The following ULK1 variants were observed in gnomAD, a reference collection of about 807,000 sequenced individuals.
ULK1 encodes unc-51 like autophagy activating kinase 1, also known as serine/threonine-protein kinase ULK1.
Under a neutral mutation model 117.5 loss-of-function variants are expected in ULK1, and 48 were observed. The ratio of observed to expected loss-of-function variants is 0.41; its 90% CI spans 0.32 to 0.52. The LOEUF (loss-of-function observed/expected upper bound fraction) is 0.52, where lower values mean the gene tolerates loss of function less well. Among genes scored for constraint, ULK1 ranks in the 20% least tolerant of loss-of-function variants. The pLI, the probability that ULK1 is intolerant of heterozygous loss-of-function variation, is 0.29. For missense variants in ULK1, 1,387 were observed against 1,473.4 expected (o/e 0.94, Z 0.96); for synonymous variants, 790 against 637.8 (o/e 1.24, Z -3.60).
intron 3 of ULK1, chr12:131,896,954 G>C (rs1349372735): frequency 1.3e-5 from 2 of 152,492 alleles, no homozygotes; most frequent in African/African-American, 4.8e-5. Context: ...GGCTCCCCAG[G>C]TCCAGTCCTG....
At chr12:131,915,466 C>T in intron 18 of ULK1, 45 bp downstream of exon 18, 2 of 1,595,186 alleles carry the variant, frequency 1.3e-6, no homozygotes, top group Non-Finnish European at 1.7e-6. Context: ...GCTGACCTCC[C>T]TCGCTCACGT....
rs151285621 is a variant in ULK1, at chr12:131,917,015, C to T, written c.2135C>T (p.Pro712Leu). The stretch of plus-strand genomic sequence containing the variant: ...AAGGCGGCGTTTGGGACACAAGCCC[C>T]GGACCCGGGCAGCACGGAGAGCCTG... ...LLKAAFGTQA[P>L]DPGSTESLQE... The change falls in exon 21 of 28, where the codon CCG becomes CTG. Residue 712 changes from proline (P) to leucine (L), a missense_variant. By Grantham distance (98) the Pro-to-Leu change is moderately conservative. Around this residue, in one of 4 missense-constraint regions of ULK1, gnomAD observed 900 missense variants for 858.9 expected, o/e 1.05. Coordinates refer to ENST00000321867, the MANE Select transcript of ULK1 (RefSeq NM_003565.4). 5.0e-4 allele frequency: 723 copies of T among 1,458,974 alleles called. 1 individual carries two copies. Among genetic ancestry groups the T allele is most frequent in the Middle Eastern group, 1.1e-3 (6 of 5,474 alleles). 90.4% of individuals were successfully genotyped at this position (1,458,974 alleles called of 1,614,324 possible).
In ULK1 at chr12:131,921,831, C is replaced by T; in HGVS notation, c.*470C>T. ...GATACCCACCCAGCTTTGTCAATCA[C>T]CCAAGCACTTTATGCATATAGAGAC... On this transcript the variant is annotated 3_prime_UTR_variant, in exon 28 of 28. Coordinates refer to ENST00000321867, the MANE Select transcript of ULK1 (RefSeq NM_003565.4). 2.1e-6 allele frequency: 1 copy of T among 472,492 alleles called. No homozygotes were observed. The highest frequency in any genetic ancestry group is 1.5e-5 in the South Asian group (1 of 64,680). The allele number at this position is 472,492 out of a possible 1,614,324, so 29.3% of individuals were successfully genotyped here.
At chr12:131,906,812 C>T (rs773325581) in intron 3 of ULK1, 80 bp from the exon 4 acceptor site, 11 of 1,591,356 alleles carry the variant, frequency 6.9e-6, no homozygotes, top group African/African-American at 6.7e-5. Flanking sequence ...CTGCCCAGGC[C>T]GAATTGGGGC....
At chr12:131,906,996 A>G (rs1889302462) in intron 4 of ULK1, 72 bp downstream of exon 4, 1 of 1,594,800 alleles carries the variant, frequency 6.3e-7, no homozygotes, top group Non-Finnish European at 8.6e-7. Flanking sequence ...AGGGAGGGAC[A>G]TGGCTGGGGG....
chr12:131,898,111 T>C (rs998267379), intron 3 of ULK1: 1 of 152,056 alleles, frequency 6.6e-6, no homozygotes, highest in Non-Finnish European at 1.5e-5. Context: ...GAGGAGGGAG[T>C]GCTCTCGGGT....
intron 3 of ULK1, among the ~76,000 whole-genome samples, chr12:131,898,942 G>T (rs1450756100): frequency 3.6e-5 from 5 of 137,278 alleles, no homozygotes; most frequent in Non-Finnish European, 6.3e-5. Flanking sequence ...GCAGTGGCGC[G>T]ATCTTGGCTC....
At chr12:131,899,691 G>A (rs187754726) in intron 3 of ULK1, among the ~76,000 whole-genome samples, 1 of 152,294 alleles carries the variant, frequency 6.6e-6, no homozygotes, top group East Asian at 1.9e-4. Context: ...GGTCCCTTTT[G>A]TGCCAAGGCT....
intron 3 of ULK1, among the ~76,000 whole-genome samples, chr12:131,898,837 G>A (rs375029148): frequency 3.3e-5 from 5 of 151,706 alleles, no homozygotes; most frequent in African/African-American, 4.8e-5. Flanking sequence ...TTCCCTATCC[G>A]AGCATGGGAA....
At chr12:131,918,776 G>T in intron 23 of ULK1, 95 bp downstream of exon 23, 4 of 1,181,202 alleles carry the variant, frequency 3.4e-6, no homozygotes, top group Non-Finnish European at 3.4e-6. Flanking sequence ...TGTGTGGGGT[G>T]TCGGGTGTGG....
intron 14 of ULK1, 119 bp downstream of exon 14, chr12:131,913,377 G>A (rs1347166846): frequency 1.8e-6 from 2 of 1,107,008 alleles, no homozygotes; most frequent in Non-Finnish European, 2.4e-6. Flanking sequence ...GGGTGACAGA[G>A]CGAGACTCTG....
At chr12:131,910,851 A>T in intron 12 of ULK1, 51 bp downstream of exon 12, 1 of 1,607,428 alleles carries the variant, frequency 6.2e-7, no homozygotes, top group Non-Finnish European at 8.5e-7. Flanking sequence ...CTCAGCAGTC[A>T]GGGGCTCCAG....
Position 131,921,136 on chromosome 12 carries a change from C to G in ULK1, c.2998C>G (p.Arg1000Gly). 6.2e-7 allele frequency: 1 copy of G among 1,603,006 alleles called. No individual in the cohort carries two copies. ...SAALDEMFQH[R>G]EGCVPRYHKA... Reference sequence around the variant, plus strand: ...TGCCCTGGACGAGATGTTCCAGCACCGTGAGGGCTGCGTCCCACGCTACCA... The same window carrying G: ...TGCCCTGGACGAGATGTTCCAGCACGGTGAGGGCTGCGTCCCACGCTACCA... Residue 1000 changes from arginine to glycine, a missense_variant, in exon 27 of 28, where the codon CGT becomes GGT. Physicochemically the swap from Arg to Gly is moderately radical, Grantham distance 125. Transcript: ENST00000321867.
rs768054739 is a variant in ULK1, at chr12:131,902,111, G to A, written c.247-4781G>A. ...GGAGGCCCATACACAATGGGCGGCT[G>A]CAGGTGGTTCCCCAGGGCCAGAGGG... On this transcript the variant is annotated intron_variant, in intron 3 of 27. Coordinates refer to ENST00000321867, the MANE Select transcript of ULK1 (RefSeq NM_003565.4). This position sits in a 1 kb window ranked among gnomAD's most constrained non-coding sequence, Gnocchi z 6.3. 1.3e-5 allele frequency among the ~76,000 whole-genome samples: 2 copies of A among 152,196 alleles called. No homozygotes were observed. Among genetic ancestry groups the A allele is most frequent in the African/African-American group, 2.4e-5 (1 of 41,454 alleles).
At position 131,917,478 on chromosome 12, in the gene ULK1, C is replaced by T. The variant is rs374869166; in HGVS notation, c.2250C>T (p.Ser750=). ...GTGCTGGGGGCACCAGCAGCCCTTC[C>T]CCGGTGGTCTTCACCGTGGGCTCTC... ...GARAGGTSSP[S]PVVFTVGSPP... Residue 750 remains serine, a synonymous_variant, in exon 22 of 28, where the codon TCC becomes TCT. Coordinates refer to ENST00000321867, the MANE Select transcript of ULK1 (RefSeq NM_003565.4). 19 of 1,509,670 alleles carry T rather than the reference C, an allele frequency of 1.3e-5. No homozygotes were observed. The highest frequency in any genetic ancestry group is 1.7e-5 in the Non-Finnish European group (19 of 1,128,710). 93.5% of individuals were successfully genotyped at this position (1,509,670 alleles called of 1,614,324 possible).
chr12:131,895,587 C>G lies in ULK1; in HGVS notation c.112-14C>G. 6.2e-7 allele frequency: 1 copy of G among 1,612,664 alleles called. No individual in the cohort carries two copies. The highest frequency in any genetic ancestry group is 8.5e-7 in the Non-Finnish European group (1 of 1,179,190). On this transcript the variant is annotated splice_polypyrimidine_tract_variant and intron_variant, in intron 1 of 27. Coordinates refer to ENST00000321867, the MANE Select transcript of ULK1 (RefSeq NM_003565.4). ...GGGCAGCCCTGGCCTTGAAGGTGCA[C>G]GTTTGGCTTTCAGAAGCACGATTTG...
At chr12:131,904,904 C>A (rs1056730788) in intron 3 of ULK1, among the ~76,000 whole-genome samples, 2 of 152,106 alleles carry the variant, frequency 1.3e-5, no homozygotes, top group Non-Finnish European at 2.9e-5. Flanking sequence ...GGGTTCTGCC[C>A]GGAGCTGTCC....
rs1484173090 is a variant in ULK1, at chr12:131,903,739, C to T, written c.247-3153C>T. ...GGAGAGAGGCTGAGCATGGGCCAGG[C>T]CTTGGTTTCTGCAAGGGACCATTTG... is the stretch of plus-strand genomic sequence containing the variant. On this transcript the variant is annotated intron_variant, in intron 3 of 27. Transcript: ENST00000321867. This position sits in a 1 kb window ranked among gnomAD's most constrained non-coding sequence, Gnocchi z 6.0. 1.3e-5 allele frequency among the ~76,000 whole-genome samples: 2 copies of T among 152,120 alleles called. No homozygotes were observed. The highest frequency in any genetic ancestry group is 4.8e-5 in the African/African-American group (2 of 41,418).
chr12:131,911,396 G>C (rs71470348), intron 12 of ULK1, among the ~76,000 whole-genome samples: 1 of 152,230 alleles, frequency 6.6e-6, no homozygotes. Context: ...CGAAAGCTCA[G>C]ATGTGGCGAG....
Sources: allele counts gnomAD v4.1 joint callset (sites outside exome capture counted in the v4.1 genomes callset), GRCh38; gene constraint gnomAD v4.1.1; regional missense constraint gnomAD v4.1.1; non-coding constraint Gnocchi (gnomAD v3.1); transcripts MANE v1.5; gene names NCBI Gene and HGNC (gene_info 2026-07-23, HGNC 2026-07-21).